DENND2B: variants seen among roughly 807,000 people sequenced by gnomAD.
DENND2B encodes DENN domain containing 2B.
Under a neutral mutation model 116.0 loss-of-function variants are expected in DENND2B, and 32 were observed. The ratio of observed to expected loss-of-function variants is 0.28; its 90% confidence interval spans 0.21 to 0.37. The LOEUF is 0.37. DENND2B is among the 10% of genes least tolerant of loss of function. The probability of loss-of-function intolerance (pLI) is 1.00; values close to 1 mark genes in which losing one functional copy is unlikely to be tolerated. For synonymous variants in DENND2B, 588 were observed against 583.9 expected (o/e 1.01, Z -0.10); for missense variants, 1,276 against 1,477.7 (o/e 0.86, Z 2.24).
intron 1 of DENND2B, among the ~76,000 whole-genome samples, chr11:8,791,143 C>T (rs1351829965): frequency 6.6e-6 from 1 of 152,196 alleles, no homozygotes; most frequent in Non-Finnish European, 1.5e-5. Flanking sequence ...AGACTTTGGC[C>T]TACTGCCTCT....
intron 2 of DENND2B, among the ~76,000 whole-genome samples, chr11:8,876,953 G>A (rs1286504732): frequency 7.0e-6 from 1 of 143,388 alleles, no homozygotes; most frequent in Non-Finnish European, 1.6e-5. Context: ...TGGGCAGGCT[G>A]GATCTGAGAG....
Position 8,731,021 on chromosome 11 carries a change from G to A in DENND2B, c.269C>T (p.Pro90Leu), listed in dbSNP as rs750229241. 17 of 1,614,196 alleles carry A rather than the reference G, an allele frequency of 1.1e-5. No individual in the cohort carries two copies. The highest frequency in any genetic ancestry group is 1.3e-5 in the African/African-American group (1 of 75,068). The change falls in exon 3 of 20, where the codon CCC becomes CTC. Residue 90 changes from proline to leucine, a missense_variant. Transcript: ENST00000313726. ...GCTGGCGGTCTTGAAGGGACAGGTG[G>A]GTGGGGAAGTATCTGGGGAGGGATC... Reference protein sequence around the residue: ...PQDPSPDTSPPTCPFKTASFG... With the variant: ...PQDPSPDTSPLTCPFKTASFG...
chr11:8,750,523 G>A, intron 2 of DENND2B, 98 bp downstream of exon 2: 1 of 1,016,906 alleles, frequency 9.8e-7, no homozygotes, highest in Non-Finnish European at 1.5e-6. Context: ...TCACCTGGAT[G>A]ACTGTCAGTC....
chr11:8,771,566 A>AGAGAGAGAGAGAGAGAGCGAGC (rs146752028), intron 1 of DENND2B: 98 of 120,376 alleles, frequency 8.1e-4, no homozygotes, highest in Non-Finnish European at 1.5e-3. Context: ...AGAGAGAGAG[A>AGAGAGAGAGAGAGAGAGCGAGC]GCCTTCTTCC....
chr11:8,899,640 A>C (rs868466499), intron 1 of DENND2B, among the ~76,000 whole-genome samples: 24 of 152,222 alleles, frequency 1.6e-4, no homozygotes, highest in African/African-American at 5.8e-4. Context: ...AAATAAAGAC[A>C]GTTGATAAAC....
chr11:8,696,357 A>C (rs1358469773), intron 18 of DENND2B, 70 bp downstream of exon 18: 2 of 1,583,836 alleles, frequency 1.3e-6, no homozygotes, highest in Non-Finnish European at 1.7e-6. Flanking sequence ...AGCTTCCATC[A>C]TAGTGCCTGG....
intron 4 of DENND2B, among the ~76,000 whole-genome samples, chr11:8,823,711 G>A (rs1345870854): frequency 1.3e-5 from 2 of 152,132 alleles, no homozygotes; most frequent in East Asian, 1.9e-4. Context: ...TCCCAGACAT[G>A]TGGAACTGTG....
intron 1 of DENND2B, among the ~76,000 whole-genome samples, chr11:8,894,412 C>G (rs2064073921): frequency 6.6e-6 from 1 of 152,054 alleles, no homozygotes; most frequent in Admixed American, 6.5e-5. Flanking sequence ...TCTAATTAAA[C>G]TAAAGAGCTT....
intron 3 of DENND2B, among the ~76,000 whole-genome samples, chr11:8,853,162 G>C (rs554183394): frequency 6.6e-6 from 1 of 152,086 alleles, no homozygotes; most frequent in East Asian, 1.9e-4. Flanking sequence ...TCAGAAGTTC[G>C]AGACCGGCCT....
intron 14 of DENND2B, among the ~76,000 whole-genome samples, chr11:8,701,344 C>CAGGGGGGG (rs1491336392): frequency 1.8e-4 from 2 of 11,238 alleles, no homozygotes; most frequent in African/African-American, 8.8e-4. Flanking sequence ...GGCCAGCTTC[C>CAGGGGGGG]GGGGGGGGGG....
intron 1 of DENND2B, among the ~76,000 whole-genome samples, chr11:8,805,562 T>C (rs1202701900): frequency 6.6e-6 from 1 of 152,210 alleles, no homozygotes; most frequent in Non-Finnish European, 1.5e-5. Flanking sequence ...CTCACCCTCC[T>C]ACTTCCAGTC....
At chr11:8,770,547 C>A (rs912354866) in intron 1 of DENND2B, among the ~76,000 whole-genome samples, 3 of 152,212 alleles carry the variant, frequency 2.0e-5, no homozygotes, top group Non-Finnish European at 4.4e-5. Context: ...ATCCTCAATT[C>A]CAAAGCTACA....
intron 3 of DENND2B, among the ~76,000 whole-genome samples, chr11:8,729,166 G>C (rs2047643590): frequency 6.6e-6 from 1 of 152,246 alleles, no homozygotes; most frequent in Non-Finnish European, 1.5e-5. Context: ...CGTGGGGTTA[G>C]ATGAGAATGG....
chr11:8,705,055 C>A (rs1209832869), intron 13 of DENND2B, among the ~76,000 whole-genome samples: 3 of 152,184 alleles, frequency 2.0e-5, no homozygotes, highest in South Asian at 2.1e-4. Context: ...AATCCAAAAT[C>A]TACTAAGCCA....
intron 1 of DENND2B, among the ~76,000 whole-genome samples, chr11:8,898,498 TA>T (rs1324149197): frequency 6.6e-6 from 1 of 152,088 alleles, no homozygotes; most frequent in Non-Finnish European, 1.5e-5. Flanking sequence ...ACTAAACAAA[TA>T]AACCAACAAA....
chr11:8,706,960 A>G (rs1043510375), intron 13 of DENND2B, 125 bp downstream of exon 13: 78 of 1,238,994 alleles, frequency 6.3e-5, no homozygotes, highest in Non-Finnish European at 8.1e-5. Context: ...GTGATGGGGT[A>G]CACAGACATG....
intron 1 of DENND2B, among the ~76,000 whole-genome samples, chr11:8,889,098 AC>A (rs1343264582): frequency 6.6e-6 from 1 of 152,242 alleles, no homozygotes; most frequent in African/African-American, 2.4e-5. Context: ...AAAAATTGAA[AC>A]CAGGGTCTCA....
Position 8,702,792 on chromosome 11 carries a change from A to G in DENND2B, c.2572-72T>C. 2 of 1,509,208 alleles carry G rather than the reference A, an allele frequency of 1.3e-6. No homozygotes were observed. Among genetic ancestry groups the G allele is most frequent in the Non-Finnish European group, 1.8e-6 (2 of 1,129,684 alleles). 93.5% of individuals were successfully genotyped at this position (1,509,208 alleles called of 1,614,324 possible). The stretch of plus-strand genomic sequence containing the variant: ...GCTGCCCTCTGGCCCTCCACGAAGC[A>G]ACTGGAGCTGCTTTCCCCTTCCAAC... On this transcript the variant is annotated intron_variant, in intron 13 of 19. Coordinates refer to ENST00000313726, the MANE Select transcript of DENND2B (RefSeq NM_213618.2). This position sits in a 1 kb window ranked among gnomAD's most constrained non-coding sequence, Gnocchi z 4.6.
At chr11:8,909,395 AAGGAAGAAG>A (rs772313952) in intron 1 of DENND2B, among the ~76,000 whole-genome samples, 72 of 148,774 alleles carry the variant, frequency 4.8e-4, no homozygotes, top group Admixed American at 1.8e-3. Flanking sequence ...AAGAAGGAAG[AAGGAAGAAG>A]AGGAAGAAGA....
Sources: gnomAD v4.1 joint callset for allele counts (sites outside exome capture counted in the v4.1 genomes callset) on GRCh38, gnomAD v4.1.1 for gene constraint, Gnocchi (gnomAD v3.1) non-coding constraint, MANE v1.5 for transcripts, NCBI Gene and HGNC (gene_info 2026-07-23, HGNC 2026-07-21) for gene names.